The following PHF24 variants were observed in gnomAD, a reference collection of about 807,000 sequenced individuals.
PHF24 encodes the protein Galpha inhibitory interacting protein.
A neutral mutation model predicts 42.6 loss-of-function variants in PHF24; 25 were observed. The ratio of observed to expected loss-of-function variants is 0.59; its 90% CI spans 0.43 to 0.82. The LOEUF is 0.82. Ranked by LOEUF, PHF24 falls within the 40% of genes least tolerant of loss-of-function variation. The pLI, the probability that PHF24 is intolerant of heterozygous loss-of-function variation, is 0.00. For synonymous variants in PHF24, 185 were observed against 204.8 expected (o/e 0.90, Z 0.83); for missense variants, 470 against 538.1 (o/e 0.87, Z 1.25).
the PHF24 span, chr9:34,709,905 G>A: frequency 1.3e-5 from 21 of 1,614,090 alleles, no homozygotes; most frequent in Admixed American, 6.7e-5. Context: ...TGCCTGCAGG[G>A]TGGGATTCAC....
the PHF24 span, among the ~76,000 whole-genome samples, chr9:34,697,187 T>C: frequency 6.6e-6 from 1 of 152,212 alleles, no homozygotes; most frequent in Non-Finnish European, 1.5e-5. Flanking sequence ...GCTGAGGTGC[T>C]AGAACCTCGC....
the PHF24 span, among the ~76,000 whole-genome samples, chr9:34,758,976 C>T: frequency 2.6e-5 from 4 of 152,098 alleles, no homozygotes; most frequent in African/African-American, 4.8e-5. This position sits in a 1 kb window ranked among gnomAD's most constrained non-coding sequence, Gnocchi z 4.4. Flanking sequence ...CTGCTCCCGT[C>T]ACCACAGGCG....
the PHF24 span, among the ~76,000 whole-genome samples, chr9:34,694,914 G>T: frequency 6.6e-6 from 1 of 152,042 alleles, no homozygotes; most frequent in African/African-American, 2.4e-5. Context: ...AATTTTTTTT[G>T]AGTGTATGTG....
the PHF24 span, among the ~76,000 whole-genome samples, chr9:34,823,998 G>A: frequency 6.6e-6 from 1 of 152,202 alleles, no homozygotes; most frequent in Non-Finnish European, 1.5e-5. Context: ...GACGTCCTAG[G>A]TTTGGGTGTT....
the PHF24 span, among the ~76,000 whole-genome samples, chr9:34,930,627 ATTC>A: frequency 9.2e-5 from 14 of 151,594 alleles, no homozygotes; most frequent in Admixed American, 5.3e-4. Context: ...TGGTATGACA[ATTC>A]TTCTTCTCTT....
the PHF24 span, among the ~76,000 whole-genome samples, chr9:34,737,978 A>G: frequency 1.3e-5 from 2 of 149,772 alleles, no homozygotes; most frequent in Non-Finnish European, 3.0e-5. Context: ...TTTCCTCAGG[A>G]TACGTGCCCT....
the PHF24 span, among the ~76,000 whole-genome samples, chr9:34,788,917 T>G: frequency 6.6e-6 from 1 of 152,138 alleles, no homozygotes. Flanking sequence ...TACATGCTGA[T>G]AAGGAGGGGA....
At chr9:34,723,578 T>C in the PHF24 span, 2 of 1,551,804 alleles carry the variant, frequency 1.3e-6, no homozygotes, top group African/African-American at 1.4e-5. Context: ...GGGGTTAATA[T>C]GCTGCAGAAA....
chr9:34,839,296 C>G, the PHF24 span, among the ~76,000 whole-genome samples: 10 of 152,142 alleles, frequency 6.6e-5, no homozygotes, highest in African/African-American at 2.2e-4. Context: ...GGCTTTGGGT[C>G]GCAAACTGGT....
the PHF24 span, among the ~76,000 whole-genome samples, chr9:34,946,810 G>A: frequency 6.6e-6 from 1 of 151,984 alleles, no homozygotes; most frequent in African/African-American, 2.4e-5. Context: ...AAATTTGGGA[G>A]AAGAAGATGA....
At chr9:34,875,948 ACACTCTCTCTCTCTCTCTCT>A in the PHF24 span, among the ~76,000 whole-genome samples, 271 of 79,922 alleles carry the variant, frequency 3.4e-3, no homozygotes, top group Non-Finnish European at 5.0e-3. Flanking sequence ...ACACACACAC[ACACTCTCTCTCTCTCTCTCT>A]CTCTCTCTCT....
the PHF24 span, among the ~76,000 whole-genome samples, chr9:34,826,320 C>T: frequency 1.3e-5 from 2 of 152,216 alleles, no homozygotes; most frequent in South Asian, 4.1e-4. Flanking sequence ...GGAAGTCCTC[C>T]CTTCTCCTCT....
At chr9:34,724,045 C>T in the PHF24 span, 31 of 1,525,950 alleles carry the variant, frequency 2.0e-5, no homozygotes, top group Middle Eastern at 3.5e-4. Flanking sequence ...GCCCAAACCC[C>T]GCATCCCCTT....
chr9:34,937,027 G>T, the PHF24 span, among the ~76,000 whole-genome samples: 1 of 145,312 alleles, frequency 6.9e-6, no homozygotes, highest in African/African-American at 2.6e-5. Context: ...GGGAGGTGGG[G>T]GGGTCAGCCC....
chr9:34,961,002 C>T (rs1357792719), intron 1 of PHF24, among the ~76,000 whole-genome samples: 3 of 152,178 alleles, frequency 2.0e-5, no homozygotes, highest in African/African-American at 7.2e-5. Flanking sequence ...TTTGATCTTT[C>T]ACATATTCTC....
chr9:34,703,163 G>C, the PHF24 span, among the ~76,000 whole-genome samples: 3 of 151,972 alleles, frequency 2.0e-5, no homozygotes, highest in Non-Finnish European at 2.9e-5. Flanking sequence ...TGTCATTCTG[G>C]TAGCCCCATA....
the PHF24 span, among the ~76,000 whole-genome samples, chr9:34,898,738 G>A: frequency 2.0e-5 from 3 of 152,164 alleles, no homozygotes; most frequent in Non-Finnish European, 4.4e-5. Context: ...CCTCTATGCA[G>A]CTGTAACAGT....
At chr9:34,780,290 CTTTTTTTCTTTT>C in the PHF24 span, among the ~76,000 whole-genome samples, 6 of 113,954 alleles carry the variant, frequency 5.3e-5, no homozygotes, top group Non-Finnish European at 1.1e-4. Context: ...TCTTTTTTTT[CTTTTTTTCTTTT>C]TTTTTTTTTT....
At chr9:34,815,529 A>T in the PHF24 span, among the ~76,000 whole-genome samples, 5 of 152,128 alleles carry the variant, frequency 3.3e-5, no homozygotes, top group Non-Finnish European at 7.4e-5. Context: ...TCACCGTGTT[A>T]GCCAGGATGG....
Sources: allele counts gnomAD v4.1 joint callset (sites outside exome capture counted in the v4.1 genomes callset), GRCh38; gene constraint gnomAD v4.1.1; non-coding constraint Gnocchi (gnomAD v3.1); transcripts MANE v1.5; gene names NCBI Gene and HGNC (gene_info 2026-07-23, HGNC 2026-07-21).